Variants in MSRA observed in about 807,000 individuals in gnomAD.
MSRA encodes methionine sulfoxide reductase A, also known as mitochondrial peptide methionine sulfoxide reductase.
A neutral mutation model predicts 31.3 loss-of-function variants in MSRA; 54 were observed. The observed-to-expected ratio is 1.73, with a 90% confidence interval of 1.39 to 2.17. The LOEUF is 2.17. Ranked by LOEUF, MSRA falls within the 30% of genes most tolerant of loss-of-function variation. MSRA has a pLI of 0.00. For missense variants in MSRA, 507 were observed against 300.9 expected (o/e 1.69, Z -5.07); for synonymous variants, 169 against 116.5 (o/e 1.45, Z -2.90).
chr8:10,068,915 G>A lies in MSRA; in HGVS notation c.142+14257G>A, dbSNP rs149100490. ...GAAAATATTGAATCTACCTATTTGT[G>A]CACATGGACTATCTCTCCATTTATT... On this transcript the variant is annotated intron_variant, in intron 1 of 5. Transcript: ENST00000317173. 1.3e-4 allele frequency among the ~76,000 whole-genome samples: 20 copies of A among 152,254 alleles called. No individual in the cohort carries two copies. The East Asian group carries it at 3.7e-3, about 28-fold the overall frequency.
chr8:10,284,821 G>A (rs545693769), intron 3 of MSRA, among the ~76,000 whole-genome samples: 1 of 152,140 alleles, frequency 6.6e-6, no homozygotes, highest in Non-Finnish European at 1.5e-5. Context: ...TTATTGGCTT[G>A]ATGGGAGAAT....
In MSRA at chr8:10,054,481, C is replaced by T; in HGVS notation, c.-36C>T. ...GCTGCGGCTCCGCTGCCGGTAGCGC[C>T]GTCCCCCGGGACCACCCTTCGGCTG... On this transcript the variant is annotated 5_prime_UTR_variant, in exon 1 of 6. Transcript: ENST00000317173. 1 of 1,546,946 alleles carries T rather than the reference C, an allele frequency of 6.5e-7. No homozygotes were observed. Among genetic ancestry groups the T allele is most frequent in the Non-Finnish European group, 8.7e-7 (1 of 1,147,428 alleles).
intron 1 of MSRA, among the ~76,000 whole-genome samples, chr8:10,083,884 G>A (rs11989502): frequency 0.011 from 1,647 of 152,272 alleles, 24 homozygotes; most frequent in African/African-American, 0.035. Context: ...TACTTTCTCT[G>A]AGAATTAGAT....
chr8:10,158,387 A>C (rs1186049408), intron 1 of MSRA, among the ~76,000 whole-genome samples: 1 of 151,420 alleles, frequency 6.6e-6, no homozygotes, highest in Non-Finnish European at 1.5e-5. Context: ...TCTTCCCAAC[A>C]CTCCCCCAGC....
chr8:10,130,421 A>G (rs1434352412), intron 1 of MSRA, among the ~76,000 whole-genome samples: 3 of 152,204 alleles, frequency 2.0e-5, no homozygotes, highest in African/African-American at 7.2e-5. Flanking sequence ...TCTAACATGT[A>G]TGTGAATATT....
chr8:10,261,273 TA>T (rs1232299177), intron 3 of MSRA, among the ~76,000 whole-genome samples: 1 of 152,096 alleles, frequency 6.6e-6, no homozygotes, highest in Non-Finnish European at 1.5e-5. Context: ...AATTCTTTTT[TA>T]AAGCTTTAAA....
intron 2 of MSRA, among the ~76,000 whole-genome samples, chr8:10,223,816 G>T (rs1225157902): frequency 6.6e-6 from 1 of 152,174 alleles, no homozygotes; most frequent in East Asian, 1.9e-4. Context: ...TTTGGGTGGG[G>T]AGAAAGATGG....
At chr8:10,323,425 G>A (rs1265846504) in intron 5 of MSRA, among the ~76,000 whole-genome samples, 1 of 151,982 alleles carries the variant, frequency 6.6e-6, no homozygotes, top group Non-Finnish European at 1.5e-5. Flanking sequence ...ACTGAAATAT[G>A]ATGATATCCT....
At chr8:10,096,163 C>T (rs1048851670) in intron 1 of MSRA, 2 of 1,243,480 alleles carry the variant, frequency 1.6e-6, no homozygotes, top group Non-Finnish European at 2.1e-6. Flanking sequence ...GTTGTTTTAT[C>T]CATGTGTTTA....
intron 1 of MSRA, among the ~76,000 whole-genome samples, chr8:10,107,783 G>A (rs1471947153): frequency 1.3e-5 from 2 of 152,106 alleles, no homozygotes; most frequent in Non-Finnish European, 2.9e-5. Context: ...TGTCTTGTCC[G>A]GGCCAGGGGA....
rs1376548926 is a variant in MSRA, at chr8:10,319,971, C to T, written c.525C>T (p.Ser175=). Residue 175 remains serine, a synonymous_variant, in exon 5 of 6, where the codon TCC becomes TCT. Coordinates refer to ENST00000317173, the MANE Select transcript of MSRA (RefSeq NM_012331.5). ...SAKQMEAALS[S]KENYQKVLSE... Reference sequence around the variant, plus strand: ...AGCAAATGGAGGCAGCCCTGAGCTCCAAAGAGAACTACCAAAAGGTAGGGA... The same window carrying T: ...AGCAAATGGAGGCAGCCCTGAGCTCTAAAGAGAACTACCAAAAGGTAGGGA... The T allele has an allele frequency of 1.9e-6, 3 of 1,599,050 alleles. No homozygotes were observed. Among genetic ancestry groups the T allele is most frequent in the Non-Finnish European group, 8.5e-7 (1 of 1,172,992 alleles).
At chr8:10,412,819 C>G (rs769207154) in intron 5 of MSRA, among the ~76,000 whole-genome samples, 1 of 152,198 alleles carries the variant, frequency 6.6e-6, no homozygotes, top group Non-Finnish European at 1.5e-5. Flanking sequence ...GTGACAATAC[C>G]AAGTCCTGGG....
At chr8:10,179,710 C>T (rs1275406007) in intron 1 of MSRA, among the ~76,000 whole-genome samples, 2 of 152,190 alleles carry the variant, frequency 1.3e-5, no homozygotes, top group Non-Finnish European at 2.9e-5. Flanking sequence ...TTCCAAACCT[C>T]AGTTTATCTG....
intron 3 of MSRA, among the ~76,000 whole-genome samples, chr8:10,299,967 C>G (rs564325069): frequency 6.6e-6 from 1 of 152,290 alleles, no homozygotes; most frequent in African/African-American, 2.4e-5. Context: ...TGCCCAATGA[C>G]AAGGAATGAT....
At chr8:10,378,040 C>G (rs1324082834) in intron 5 of MSRA, among the ~76,000 whole-genome samples, 1 of 152,236 alleles carries the variant, frequency 6.6e-6, no homozygotes, top group South Asian at 2.1e-4. Context: ...CCCGGGTGGC[C>G]AGGCCAGCAG....
intron 1 of MSRA, among the ~76,000 whole-genome samples, chr8:10,122,534 T>TG (rs923685534): frequency 8.0e-5 from 12 of 150,120 alleles, no homozygotes; most frequent in Middle Eastern, 7.0e-3. Context: ...TTTTTTGTGT[T>TG]TTTTTTTTTA....
intron 2 of MSRA, among the ~76,000 whole-genome samples, chr8:10,210,446 C>T (rs959641603): frequency 6.6e-6 from 1 of 152,192 alleles, no homozygotes; most frequent in Admixed American, 6.5e-5. Flanking sequence ...CAGCCAGGCC[C>T]ATTTAGCAAA....
intron 3 of MSRA, among the ~76,000 whole-genome samples, chr8:10,283,824 T>TACACACAC (rs1259643918): frequency 4.3e-5 from 3 of 68,970 alleles, no homozygotes; most frequent in African/African-American, 1.5e-4. Flanking sequence ...TATATATATA[T>TACACACAC]ATATATATAT....
At chr8:10,209,531 C>T (rs7823557) in intron 2 of MSRA, among the ~76,000 whole-genome samples, 10,117 of 152,196 alleles carry the variant, frequency 0.066, 439 homozygotes, top group African/African-American at 0.13. Context: ...TCTTTTCTTT[C>T]TATTTTTTAT....
Sources: allele counts gnomAD v4.1 joint callset (sites outside exome capture counted in the v4.1 genomes callset), GRCh38; gene constraint gnomAD v4.1.1; transcripts MANE v1.5; gene names NCBI Gene and HGNC (gene_info 2026-07-23, HGNC 2026-07-21).